Variants in DMXL2 observed in about 807,000 individuals in gnomAD.
DMXL2 encodes the protein dmX-like protein 2.
A neutral mutation model predicts 331.1 loss-of-function variants in DMXL2; 103 were observed. The ratio of observed to expected loss-of-function variants is 0.31; its 90% CI spans 0.27 to 0.37. The LOEUF is 0.37. Among genes scored for constraint, DMXL2 ranks in the 10% least tolerant of loss-of-function variants. The pLI, the probability that DMXL2 is intolerant of heterozygous loss-of-function variation, is 1.00. For missense variants in DMXL2, 3,171 were observed against 3,642.9 expected, an observed-to-expected ratio of 0.87 and a Z score of 3.33; for synonymous variants, 1,281 against 1,252.1, an observed-to-expected ratio of 1.02 and a Z score of -0.49.
chr15:51,478,445 CATAAATAAGACT>C, intron 25 of DMXL2, 98 bp from the exon 26 acceptor site: 2 of 1,012,710 alleles, frequency 2.0e-6, no homozygotes, highest in South Asian at 2.9e-5. Flanking sequence ...CTAGCAACAT[CATAAATAAGACT>C]GAATCCTAGA....
rs975631875 is a variant in DMXL2 at position 51,466,904 on chromosome 15, AT to A, written c.7393-594del. On this transcript the variant is annotated intron_variant, in intron 29 of 43. Coordinates refer to ENST00000560891, the MANE Select transcript of DMXL2 (RefSeq NM_001378457.1). ...ATTTTTTTTAAATAAAAAAAATCCC[AT>A]TTTTTTTAGTGGATATTAAACTAAG... Among the ~76,000 whole-genome samples the A allele has an allele frequency of 5.9e-5, 9 of 151,768 alleles. 1 individual carries two copies. The South Asian group carries it at 8.3e-4, about 14-fold the overall frequency.
intron 17 of DMXL2, among the ~76,000 whole-genome samples, chr15:51,502,047 G>A (rs1239152727): frequency 6.1e-5 from 9 of 148,408 alleles, no homozygotes; most frequent in Middle Eastern, 3.8e-3. Flanking sequence ...TGGCTAACAC[G>A]GTGAAACCCC....
chr15:51,550,296 A>G (rs990196776), intron 6 of DMXL2, among the ~76,000 whole-genome samples: 2 of 152,154 alleles, frequency 1.3e-5, no homozygotes, highest in South Asian at 4.1e-4. Context: ...AAATCTTCTC[A>G]TCCTAGCCCT....
intron 10 of DMXL2, 131 bp from the exon 11 acceptor site, chr15:51,537,890 G>C: frequency 8.9e-7 from 1 of 1,127,916 alleles, no homozygotes; most frequent in Non-Finnish European, 1.2e-6. Context: ...AAAAAACAAA[G>C]GAAACTTTTG....
chr15:51,474,631 T>G (rs1893657922), intron 27 of DMXL2, 39 bp from the exon 28 acceptor site: 1 of 1,525,616 alleles, frequency 6.6e-7, no homozygotes, highest in Middle Eastern at 2.0e-4. Context: ...TATGTCAGGA[T>G]GAAGCACCAG....
intron 20 of DMXL2, among the ~76,000 whole-genome samples, chr15:51,490,027 A>T (rs1291005332): frequency 6.6e-6 from 1 of 152,234 alleles, no homozygotes; most frequent in Non-Finnish European, 1.5e-5. Flanking sequence ...GTGCTTTGGA[A>T]TATAAAACAT....
rs548524144 is a variant in DMXL2 at position 51,555,028 on chromosome 15, C to T, written c.568-7620G>A. On this transcript the variant is annotated intron_variant, in intron 6 of 43. Coordinates refer to ENST00000560891, the MANE Select transcript of DMXL2 (RefSeq NM_001378457.1). ...CAAAAATTAGCCAGGTGTGGTGGCACACGCTTGTAATCCCAGTCACTTGGG... is the reference window on the plus strand; with the variant it reads ...CAAAAATTAGCCAGGTGTGGTGGCATACGCTTGTAATCCCAGTCACTTGGG... Among the ~76,000 whole-genome samples, 78 of 152,186 alleles carry T rather than the reference C, an allele frequency of 5.1e-4. 2 individuals are homozygous for T. In the South Asian group the frequency reaches 0.016, roughly 31 times the overall value.
rs952575298 is a variant in DMXL2, at chr15:51,448,320, A to G, written c.*664T>C. The G allele has an allele frequency of 2.0e-5, 3 of 153,292 alleles. No individual in the cohort carries two copies. The highest frequency in any genetic ancestry group is 6.5e-5 in the Admixed American group (1 of 15,372). 9.5% of individuals were successfully genotyped at this position (153,292 alleles called of 1,614,324 possible). Reference sequence around the variant, plus strand: ...TAGTACATTCCTAACATGAAGGCAAATATTTAAATAGAAAAACTAGCAGTC... The same window carrying G: ...TAGTACATTCCTAACATGAAGGCAAGTATTTAAATAGAAAAACTAGCAGTC... On this transcript the variant is annotated 3_prime_UTR_variant, in exon 44 of 44. Coordinates refer to ENST00000560891, the MANE Select transcript of DMXL2 (RefSeq NM_001378457.1).
At chr15:51,593,264 C>A in intron 1 of DMXL2, among the ~76,000 whole-genome samples, 1 of 152,126 alleles carries the variant, frequency 6.6e-6, no homozygotes, top group Non-Finnish European at 1.5e-5. Context: ...GGGTTGCAAT[C>A]CTAGTCTCTG....
intron 9 of DMXL2, among the ~76,000 whole-genome samples, chr15:51,539,647 A>G (rs2048480175): frequency 6.6e-6 from 1 of 152,086 alleles, no homozygotes; most frequent in South Asian, 2.1e-4. Context: ...TGACTCTACA[A>G]AAACTACAAA....
intron 16 of DMXL2, among the ~76,000 whole-genome samples, chr15:51,504,561 G>A (rs141087520): frequency 2.0e-5 from 3 of 152,258 alleles, no homozygotes; most frequent in Admixed American, 6.5e-5. Flanking sequence ...TAAAGGCAGG[G>A]ATGATGTGTT....
At chr15:51,544,103 A>G (rs1173400920) in intron 8 of DMXL2, among the ~76,000 whole-genome samples, 1 of 152,198 alleles carries the variant, frequency 6.6e-6, no homozygotes, top group Admixed American at 6.5e-5. Flanking sequence ...ATATTGAAAA[A>G]AATGTAAAAA....
intron 1 of DMXL2, among the ~76,000 whole-genome samples, chr15:51,579,756 G>A (rs767914478): frequency 6.6e-5 from 10 of 152,126 alleles, no homozygotes; most frequent in African/African-American, 2.4e-4. Context: ...GATTCTGACT[G>A]ATTTTCCAGC....
intron 6 of DMXL2, among the ~76,000 whole-genome samples, chr15:51,559,795 C>G (rs1156284068): frequency 1.3e-5 from 2 of 152,102 alleles, no homozygotes; most frequent in African/African-American, 4.8e-5. Context: ...GTTTAAAAGT[C>G]AGACCACATC....
chr15:51,503,106 T>C (rs990028857), intron 16 of DMXL2, 73 bp from the exon 17 acceptor site: 86 of 1,022,920 alleles, frequency 8.4e-5, no homozygotes, highest in Non-Finnish European at 1.2e-4. Context: ...AATATTACTT[T>C]GTTATTATTT....
intron 21 of DMXL2, 123 bp downstream of exon 21, chr15:51,488,425 C>A: frequency 1.2e-6 from 1 of 859,790 alleles, no homozygotes; most frequent in Non-Finnish European, 1.8e-6. Flanking sequence ...CTAAAGGAAC[C>A]AGGTCGCATA....
chr15:51,593,203 C>T (rs1488194946), intron 1 of DMXL2, among the ~76,000 whole-genome samples: 3 of 152,080 alleles, frequency 2.0e-5, no homozygotes, highest in South Asian at 2.1e-4. Context: ...ACGCTCAAAA[C>T]AAAGGGATGG....
chr15:51,567,870 C>CT (rs1311815071), intron 3 of DMXL2: 1 of 152,362 alleles, frequency 6.6e-6, no homozygotes, highest in Non-Finnish European at 1.5e-5. Context: ...GATCACTTAG[C>CT]CCCAGAGTTC....
chr15:51,514,052 A>C (rs952949091), intron 15 of DMXL2, among the ~76,000 whole-genome samples: 1 of 152,154 alleles, frequency 6.6e-6, no homozygotes, highest in Non-Finnish European at 1.5e-5. Flanking sequence ...ATGATACCTT[A>C]TATCTTATAT....
Sources: allele counts gnomAD v4.1 joint callset (sites outside exome capture counted in the v4.1 genomes callset), GRCh38; gene constraint gnomAD v4.1.1; transcripts MANE v1.5; gene names NCBI Gene and HGNC (gene_info 2026-07-23, HGNC 2026-07-21).